SGSM1: variants seen among roughly 807,000 people sequenced by gnomAD.
SGSM1 encodes the protein RUN and TBC1 domain containing 2.
A neutral mutation model predicts 133.8 loss-of-function variants in SGSM1; 73 were observed. The observed-to-expected ratio is 0.55, with a 90% confidence interval of 0.45 to 0.66. SGSM1 has a LOEUF of 0.66. Among genes scored for constraint, SGSM1 ranks in the 30% least tolerant of loss-of-function variants. SGSM1 has a pLI of 0.00. For synonymous variants in SGSM1, 563 were observed against 573.0 expected (o/e 0.98, Z 0.25); for missense variants, 1,213 against 1,448.1 (o/e 0.84, Z 2.64).
chr22:24,877,134 G>A (rs918119225), intron 13 of SGSM1, among the ~76,000 whole-genome samples: 2 of 152,142 alleles, frequency 1.3e-5, no homozygotes, highest in Non-Finnish European at 2.9e-5. Context: ...CCCAAAAGCA[G>A]CACATGTCAT....
chr22:24,919,749 G>C, intron 23 of SGSM1, 77 bp from the exon 24 acceptor site: 1 of 1,563,438 alleles, frequency 6.4e-7, no homozygotes, highest in Non-Finnish European at 8.7e-7. Flanking sequence ...TTCCCACCTT[G>C]GGGGGCTTCC....
At chr22:24,865,742 A>G (rs1431701756) in intron 9 of SGSM1, among the ~76,000 whole-genome samples, 3 of 152,002 alleles carry the variant, frequency 2.0e-5, no homozygotes, top group African/African-American at 7.3e-5. Context: ...AGACAGGGAG[A>G]GCCTTCAGAC....
Position 24,876,653 on chromosome 22 carries a change from T to A in SGSM1, c.1368T>A (p.Cys456Ter). ...LWQPSPRKSS[C>*]SSCSQSGSAD... is the part of the protein sequence containing the mutation. ...AGCCCAGTCCCCGGAAGTCCTCCTG[T>A]TCATCCTGTTCACAGAGTGGCTCGG... is the stretch of plus-strand genomic sequence containing the variant. Residue 456 changes from cysteine (C) to a stop codon, truncating the protein, a stop_gained, in exon 13 of 25, where the codon TGT (cysteine) becomes TGA (stop). Coordinates refer to ENST00000400358, the MANE Select transcript of SGSM1 (RefSeq NM_001098497.3). LOFTEE classifies it high-confidence loss of function. 2 of 1,614,034 alleles carry A rather than the reference T, an allele frequency of 1.2e-6. No homozygotes were observed. Among genetic ancestry groups the A allele is most frequent in the Non-Finnish European group, 1.7e-6 (2 of 1,179,898 alleles).
In SGSM1 at chr22:24,894,961, C is replaced by T. The variant is rs56368150; in HGVS notation, c.1954-262C>T. On this transcript the variant is annotated intron_variant, in intron 17 of 24. Coordinates refer to ENST00000400358, the MANE Select transcript of SGSM1 (RefSeq NM_001098497.3). The stretch of plus-strand genomic sequence containing the variant: ...TTGGCCAGAAGTCTCAATTACAGAG[C>T]AGTTAAAGGTGGGGTGCTCTAGTTG... Among the ~76,000 whole-genome samples the T allele has an allele frequency of 9.0e-3, 1,374 of 152,188 alleles. 12 individuals carry two copies. The highest frequency in any genetic ancestry group is 0.016 in the Non-Finnish European group (1,099 of 68,000).
At chr22:24,892,466 A>G (rs1932831164) in intron 16 of SGSM1, among the ~76,000 whole-genome samples, 1 of 152,132 alleles carries the variant, frequency 6.6e-6, no homozygotes, top group Non-Finnish European at 1.5e-5. Flanking sequence ...AAAGCTGGAA[A>G]TCTGTGGCCC....
intron 19 of SGSM1, among the ~76,000 whole-genome samples, chr22:24,899,518 CTTTTTTT>C (rs56027362): frequency 3.0e-5 from 4 of 133,878 alleles, no homozygotes; most frequent in Non-Finnish European, 4.8e-5. Flanking sequence ...CTTTTCTTTT[CTTTTTTT>C]TTTTTTTTTT....
intron 5 of SGSM1, 26 bp downstream of exon 5, chr22:24,850,458 G>T (rs747478156): frequency 6.2e-7 from 1 of 1,610,236 alleles, no homozygotes; most frequent in Non-Finnish European, 8.5e-7. Flanking sequence ...CTGACACCTG[G>T]CCATGCTCTG....
chr22:24,899,228 A>G (rs1284882901), intron 19 of SGSM1, among the ~76,000 whole-genome samples: 1 of 151,924 alleles, frequency 6.6e-6, no homozygotes, highest in Non-Finnish European at 1.5e-5. Flanking sequence ...TTTGCTGCAT[A>G]TTTAAAGTCA....
chr22:24,886,747 GCAC>G lies in SGSM1; in HGVS notation c.1770+20_1770+22del. On this transcript the variant is annotated intron_variant, in intron 16 of 24. Coordinates refer to ENST00000400358, the MANE Select transcript of SGSM1 (RefSeq NM_001098497.3). Reference sequence around the variant, plus strand: ...GAAAGAGGTCGGTTACCTGCCATGGGCACTGGGATCTTTGGCAACAAAAGGAGC... The same window carrying G: ...GAAAGAGGTCGGTTACCTGCCATGGGTGGGATCTTTGGCAACAAAAGGAGC... 3.2e-6 allele frequency: 5 copies of G among 1,570,616 alleles called. No individual in the cohort carries two copies. The highest frequency in any genetic ancestry group is 4.3e-6 in the Non-Finnish European group (5 of 1,156,038).
At chr22:24,890,591 A>T (rs1174518096) in intron 16 of SGSM1, among the ~76,000 whole-genome samples, 1 of 152,000 alleles carries the variant, frequency 6.6e-6, no homozygotes, top group Admixed American at 6.6e-5. Context: ...CCCAGGCTGG[A>T]GTGCAGTGGT....
chr22:24,854,906 C>A, intron 5 of SGSM1, 90 bp from the exon 6 acceptor site: 1 of 1,000,632 alleles, frequency 1.0e-6, no homozygotes, highest in East Asian at 2.6e-5. Flanking sequence ...GGGTGGTAAC[C>A]GAGTGACACT....
chr22:24,815,449 T>C (rs555665629), intron 2 of SGSM1, among the ~76,000 whole-genome samples: 1 of 152,112 alleles, frequency 6.6e-6, no homozygotes, highest in African/African-American at 2.4e-5. Flanking sequence ...GGAAGAAAAC[T>C]GGAATTAGAG....
chr22:24,814,228 C>T (rs776821450), intron 2 of SGSM1: 1 of 151,780 alleles, frequency 6.6e-6, no homozygotes, highest in African/African-American at 2.4e-5. Context: ...TCAAGGAAAA[C>T]CAGGGCTTAA....
intron 19 of SGSM1, among the ~76,000 whole-genome samples, 163 bp from the exon 20 acceptor site, chr22:24,901,670 A>G (rs1381464413): frequency 6.6e-6 from 1 of 152,110 alleles, no homozygotes; most frequent in East Asian, 1.9e-4. Context: ...CTCCCAGAAA[A>G]CAAACAAACA....
At chr22:24,828,433 A>G (rs1292735166) in intron 2 of SGSM1, among the ~76,000 whole-genome samples, 1 of 152,108 alleles carries the variant, frequency 6.6e-6, no homozygotes, top group Non-Finnish European at 1.5e-5. Flanking sequence ...AGAAAACCTC[A>G]TTAAAAAGGG....
intron 9 of SGSM1, 66 bp downstream of exon 9, chr22:24,859,906 TC>T: frequency 6.3e-7 from 1 of 1,596,698 alleles, no homozygotes; most frequent in Admixed American, 1.7e-5. Context: ...AGGAAGTTCC[TC>T]CCCGGGGGAG....
intron 2 of SGSM1, among the ~76,000 whole-genome samples, chr22:24,836,034 A>C (rs934727069): frequency 1.3e-5 from 2 of 152,220 alleles, no homozygotes; most frequent in African/African-American, 4.8e-5. Context: ...GAGTACATTT[A>C]CATTCTTGTG....
Position 24,850,353 on chromosome 22 carries a change from A to G in SGSM1, c.376A>G (p.Ile126Val), listed in dbSNP as rs1472812796. 4 of 1,613,848 alleles carry G rather than the reference A, an allele frequency of 2.5e-6. No homozygotes were observed. The highest frequency in any genetic ancestry group is 2.2e-5 in the East Asian group (1 of 44,888). Residue 126 changes from isoleucine to valine, a missense_variant, in exon 5 of 25, where the codon ATC (isoleucine) becomes GTC (valine). Ile to Val is a conservative substitution (Grantham distance 29, BLOSUM62 3). Coordinates refer to ENST00000400358, the MANE Select transcript of SGSM1 (RefSeq NM_001098497.3). Reference protein sequence around the residue: ...PKLPNLSPLAIKHLWIRTALF... With the variant: ...PKLPNLSPLAVKHLWIRTALF... ...GCTGCCCAACTTGTCCCCACTTGCC[A>G]TCAAGCATCTGTGGATTCGCACAGC...
chr22:24,890,999 G>C (rs1043439827), intron 16 of SGSM1, among the ~76,000 whole-genome samples: 1 of 152,146 alleles, frequency 6.6e-6, no homozygotes, highest in African/African-American at 2.4e-5. Flanking sequence ...ATAACTTGTC[G>C]TGAATAGAAG....
Sources: allele counts gnomAD v4.1 joint callset (sites outside exome capture counted in the v4.1 genomes callset), GRCh38; gene constraint gnomAD v4.1.1; transcripts MANE v1.5; gene names NCBI Gene and HGNC (gene_info 2026-07-23, HGNC 2026-07-21).